ITGB2: variants seen among roughly 807,000 people sequenced by gnomAD.
The protein encoded by ITGB2 is integrin beta-2.
A neutral mutation model predicts 86.8 loss-of-function variants in ITGB2; 56 were observed. That is an observed-to-expected ratio of 0.65 (90% CI 0.52 to 0.81). The LOEUF (loss-of-function observed/expected upper bound fraction) is 0.81, where lower values mean the gene tolerates loss of function less well. Ranked by LOEUF, ITGB2 falls within the 30% of genes least tolerant of loss-of-function variation. The pLI is 0.00. For synonymous variants in ITGB2, 457 were observed against 450.4 expected (o/e 1.01, Z -0.19); for missense variants, 948 against 1,061.2 (o/e 0.89, Z 1.48).
At chr21:44,902,751 C>A (rs1475084942) in intron 5 of ITGB2, among the ~76,000 whole-genome samples, 4 of 151,652 alleles carry the variant, frequency 2.6e-5, no homozygotes, top group African/African-American at 4.8e-5. Context: ...AGCGTGCATT[C>A]ACGTGCATGA....
At chr21:44,892,931 T>G in intron 10 of ITGB2, 1 of 192,980 alleles carries the variant, frequency 5.2e-6, no homozygotes, top group Non-Finnish European at 1.1e-5. Flanking sequence ...GTTTGCCGTT[T>G]GCGCCTGTTC....
chr21:44,897,337 C>A (rs2083884702), intron 8 of ITGB2, among the ~76,000 whole-genome samples: 2 of 152,232 alleles, frequency 1.3e-5, no homozygotes. Context: ...TATGTCTCCT[C>A]AGCCTAAGCA....
Position 44,906,905 on chromosome 21 carries a change from C to T in ITGB2, c.328+10G>A, listed in dbSNP as rs1159432584. ...ACGGTGCCTGGCACCACCACCGAGG[C>T]CAAGCCTACCTGGTCGCAGGTAAAG... On this transcript the variant is annotated intron_variant, in intron 4 of 15. Coordinates refer to ENST00000652462, the MANE Select transcript of ITGB2 (RefSeq NM_000211.5). 1 of 1,614,178 alleles carries T rather than the reference C, an allele frequency of 6.2e-7. No individual in the cohort carries two copies. The highest frequency in any genetic ancestry group is 8.5e-7 in the Non-Finnish European group (1 of 1,180,002).
At chr21:44,917,176 T>G (rs2084224111) in intron 1 of ITGB2, among the ~76,000 whole-genome samples, 1 of 152,206 alleles carries the variant, frequency 6.6e-6, no homozygotes, top group African/African-American at 2.4e-5. Flanking sequence ...ATATCTTGAT[T>G]CCCTGTGTAG....
intron 9 of ITGB2, chr21:44,894,198 C>T (rs970154164): frequency 6.0e-6 from 1 of 165,924 alleles, no homozygotes; most frequent in Non-Finnish European, 1.3e-5. Context: ...GGGTTTGGGG[C>T]TCACGGGAGG....
chr21:44,901,552 G>A lies in ITGB2; in HGVS notation c.681C>T (p.Ser227=), dbSNP rs369981986. ...CACCCTCGGGTGCATCCAGGTTTCC[G>A]GAAATCAGCTGCTTCCCGACCTCGG... ...FQTEVGKQLI[S]GNLDAPEGGL... The change falls in exon 6 of 16, where the codon TCC becomes TCT. Residue 227 remains serine (S), a synonymous_variant. Transcript: ENST00000652462. 177 of 1,614,154 alleles carry A rather than the reference G, an allele frequency of 1.1e-4. No individual in the cohort carries two copies. Among genetic ancestry groups the A allele is most frequent in the Middle Eastern group, 6.6e-4 (4 of 6,084 alleles).
At chr21:44,907,864 G>C in intron 3 of ITGB2, 1 of 581,688 alleles carries the variant, frequency 1.7e-6, no homozygotes, top group Non-Finnish European at 3.2e-6. Context: ...CTCTTTGTAG[G>C]GCTCTGACTT....
At chr21:44,923,042 T>C (rs573556351), upstream of ITGB2, 1 of 152,282 alleles carries the variant, frequency 6.6e-6, no homozygotes, top group East Asian at 1.9e-4. Flanking sequence ...GCACACACCT[T>C]TAATGAATTA....
At chr21:44,892,604 C>CAAAAAAAAAAA (rs11327948) in intron 10 of ITGB2, among the ~76,000 whole-genome samples, 8 of 71,150 alleles carry the variant, frequency 1.1e-4, no homozygotes, top group East Asian at 7.9e-4. Flanking sequence ...AACTCCATCT[C>CAAAAAAAAAAA]AAAAAAAAAA....
At position 44,886,330 on chromosome 21, in the gene ITGB2, A is replaced by G. The variant is rs114632253; in HGVS notation, c.*38T>C. The G allele has an allele frequency of 8.7e-4, 1,370 of 1,583,256 alleles. 5 individuals carry two copies. In the African/African-American group the frequency reaches 0.017, roughly 19 times the overall value. The stretch of plus-strand genomic sequence containing the variant: ...GTCTCGGCCGCGTGATGGGGCAGAC[A>G]TGGTGGGTCCTGACGGCCTTGTCTT... On this transcript the variant is annotated 3_prime_UTR_variant, in exon 16 of 16. Transcript: ENST00000652462.
chr21:44,922,658 GAAA>G (rs10532717), upstream of ITGB2, among the ~76,000 whole-genome samples: 13,565 of 114,704 alleles, frequency 0.12, 954 homozygotes, highest in African/African-American at 0.23. Flanking sequence ...GGGTAACTGA[GAAA>G]AAAAAAAAAA....
chr21:44,889,615 T>A (rs956189030), intron 12 of ITGB2, 120 bp from the exon 13 acceptor site: 4 of 1,000,140 alleles, frequency 4.0e-6, no homozygotes, highest in African/African-American at 3.2e-5. Flanking sequence ...GGGATGTTCC[T>A]GAGCAAAAGG....
In ITGB2 at chr21:44,901,696, G is replaced by A. The variant is rs371548080; in HGVS notation, c.537C>T (p.Phe179=). 8.9e-5 allele frequency: 144 copies of A among 1,613,224 alleles called. No homozygotes were observed. The East Asian group carries it at 1.0e-3, about 11-fold the overall frequency. ...GSFVDKTVLP[F]VNTHPDKLRN... ...GCAGCTTATCAGGGTGCGTGTTCAC[G>A]AACGGCAGCACGGTCTTGTCCACGA... The change falls in exon 6 of 16, where the codon TTC becomes TTT. Residue 179 remains phenylalanine (F), a synonymous_variant. Coordinates refer to ENST00000652462, the MANE Select transcript of ITGB2 (RefSeq NM_000211.5).
chr21:44,910,550 G>T, intron 2 of ITGB2, 175 bp downstream of exon 2: 1 of 1,422,898 alleles, frequency 7.0e-7, no homozygotes, highest in Non-Finnish European at 9.7e-7. Context: ...AAACAGCACA[G>T]CTACAGCCTC....
intron 14 of ITGB2, among the ~76,000 whole-genome samples, chr21:44,888,378 G>A (rs1301780592): frequency 1.3e-5 from 2 of 152,264 alleles, no homozygotes; most frequent in Non-Finnish European, 2.9e-5. Context: ...GCATCCAGCG[G>A]GAGATGGCCC....
upstream of ITGB2, among the ~76,000 whole-genome samples, chr21:44,924,436 CA>C (rs2084346816): frequency 6.6e-6 from 1 of 152,014 alleles, no homozygotes; most frequent in Non-Finnish European, 1.5e-5. Flanking sequence ...TACTCAAAAA[CA>C]AAAACAACAA....
intron 1 of ITGB2, among the ~76,000 whole-genome samples, chr21:44,911,788 G>A (rs1230095035): frequency 1.3e-5 from 2 of 152,210 alleles, no homozygotes; most frequent in African/African-American, 4.8e-5. Context: ...CCTCAGCCTG[G>A]TGCTGGAGGC....
At chr21:44,903,747 G>A (rs894322670) in intron 4 of ITGB2, among the ~76,000 whole-genome samples, 42 of 152,242 alleles carry the variant, frequency 2.8e-4, no homozygotes, top group Middle Eastern at 6.8e-3. Flanking sequence ...CATGACTCCC[G>A]GACGCAGGCA....
At chr21:44,888,558 T>C (rs1183061805) in intron 14 of ITGB2, 135 bp downstream of exon 14, 1 of 1,005,326 alleles carries the variant, frequency 9.9e-7, no homozygotes, top group East Asian at 2.6e-5. Context: ...GCCAAGGGCA[T>C]CCCGCATGGC....
Sources: allele counts gnomAD v4.1 joint callset (sites outside exome capture counted in the v4.1 genomes callset), GRCh38; gene constraint gnomAD v4.1.1; transcripts MANE v1.5; gene names NCBI Gene and HGNC (gene_info 2026-07-23, HGNC 2026-07-21).